Variants in LINGO2 observed in about 807,000 individuals in gnomAD.
The protein encoded by LINGO2 is leucine-rich repeat and immunoglobulin-like domain-containing nogo receptor-interacting protein 2.
Under a neutral mutation model 30.6 loss-of-function variants are expected in LINGO2, and 14 were observed. The observed-to-expected ratio is 0.46, with a 90% confidence interval of 0.30 to 0.72. The LOEUF is 0.72. Ranked by LOEUF, LINGO2 falls within the 30% of genes least tolerant of loss-of-function variation. LINGO2 has a pLI of 0.07. For synonymous variants in LINGO2, 317 were observed against 288.5 expected (o/e 1.10, Z -1.00); for missense variants, 729 against 751.7 (o/e 0.97, Z 0.35).
chr9:28,380,393 T>TTG (rs1159875820), intron 2 of LINGO2, among the ~76,000 whole-genome samples: 1 of 148,226 alleles, frequency 6.7e-6, no homozygotes, highest in Non-Finnish European at 1.5e-5. Context: ...TATAAAGGTT[T>TTG]TTTTTTTTTT....
intron 4 of LINGO2, among the ~76,000 whole-genome samples, chr9:28,182,943 A>T (rs548591794): frequency 1.1e-3 from 173 of 152,300 alleles, no homozygotes; most frequent in Middle Eastern, 3.4e-3. Context: ...TTGACTCAGC[A>T]ATCCCATTAC....
intron 1 of LINGO2, among the ~76,000 whole-genome samples, chr9:28,665,492 T>G (rs1302484912): frequency 1.3e-5 from 2 of 151,872 alleles, no homozygotes; most frequent in Non-Finnish European, 2.9e-5. Flanking sequence ...CTATTTGGAG[T>G]GGTGAGACTG....
exon 6 of LINGO2, chr9:27,949,799 G>A (rs1169213070): frequency 6.2e-7 from 1 of 1,614,130 alleles, no homozygotes; most frequent in East Asian, 2.2e-5. Flanking sequence ...CAGAGAACAT[G>A]CCTGCTTCAA....
At chr9:28,478,464 A>G (rs77902341) in intron 1 of LINGO2, among the ~76,000 whole-genome samples, 2,157 of 152,150 alleles carry the variant, frequency 0.014, 56 homozygotes, top group African/African-American at 0.049. Flanking sequence ...GGGCTGCAGA[A>G]TCTGTATCCA....
At chr9:29,043,990 G>C in the LINGO2 span, among the ~76,000 whole-genome samples, 2 of 151,976 alleles carry the variant, frequency 1.3e-5, no homozygotes, top group African/African-American at 4.8e-5. Context: ...GACTGCCAAT[G>C]AAAGAACAAT....
chr9:28,130,198 C>T lies in LINGO2; in HGVS notation c.-86-117793G>A, dbSNP rs1248071242. ...TAACCACTGGTTTGAACTCTAGACC[C>T]TCTAAAATAGACCTTAACACACTTC... On this transcript the variant is annotated intron_variant, in intron 4 of 5. Coordinates refer to ENST00000379992, the Ensembl canonical transcript of LINGO2. The surrounding 1 kb of genome is among the most constrained non-coding windows in gnomAD (Gnocchi z 5.2). Among the ~76,000 whole-genome samples the T allele has an allele frequency of 6.6e-6, 1 of 152,170 alleles. No homozygotes were observed. Among genetic ancestry groups the T allele is most frequent in the Admixed American group, 6.5e-5 (1 of 15,284 alleles).
the LINGO2 span, among the ~76,000 whole-genome samples, chr9:29,194,193 T>C: frequency 6.6e-6 from 1 of 152,172 alleles, no homozygotes; most frequent in Non-Finnish European, 1.5e-5. Context: ...TGCTCATTAA[T>C]GAGCACTACT....
intron 4 of LINGO2, among the ~76,000 whole-genome samples, chr9:28,293,687 CA>C (rs965742214): frequency 4.8e-4 from 73 of 151,890 alleles, no homozygotes; most frequent in African/African-American, 6.8e-4. Flanking sequence ...TTAACGTCTC[CA>C]AAAAAAATTT....
chr9:28,287,160 A>T (rs1355928821), intron 4 of LINGO2, among the ~76,000 whole-genome samples: 1 of 152,238 alleles, frequency 6.6e-6, no homozygotes, highest in Non-Finnish European at 1.5e-5. Context: ...ACAAGTTCTT[A>T]GATTATTTTC....
At chr9:28,328,556 G>GAA (rs34495703) in intron 3 of LINGO2, among the ~76,000 whole-genome samples, 35 of 145,882 alleles carry the variant, frequency 2.4e-4, no homozygotes, top group Non-Finnish European at 3.9e-4. Flanking sequence ...GTCCATCTTT[G>GAA]AAAAAAAAAA....
the LINGO2 span, among the ~76,000 whole-genome samples, chr9:28,850,016 T>C: frequency 1.3e-5 from 2 of 152,054 alleles, no homozygotes; most frequent in Non-Finnish European, 2.9e-5. Context: ...AGTAACTGCT[T>C]ACTGAGTGAA....
chr9:28,436,949 TAAAGG>T (rs927540659), intron 2 of LINGO2, among the ~76,000 whole-genome samples: 5 of 152,088 alleles, frequency 3.3e-5, no homozygotes, highest in African/African-American at 1.2e-4. Flanking sequence ...CAGCTTTTAA[TAAAGG>T]AAAGGGGCCA....
rs764802447 is a variant in LINGO2, at chr9:28,044,385, A to ACAT, written c.-86-31981_-86-31980insATG. 2.1e-3 allele frequency among the ~76,000 whole-genome samples: 317 copies of ACAT among 152,294 alleles called. 1 individual carries two copies. Among genetic ancestry groups the ACAT allele is most frequent in the Non-Finnish European group, 3.7e-3 (249 of 68,030 alleles). On this transcript the variant is annotated intron_variant, in intron 4 of 5. Coordinates refer to ENST00000379992, the Ensembl canonical transcript of LINGO2. ...ATTAAATCATGTTAGATTTCAACTA[A>ACAT]GTCTTTTTCTTCAGGGAAGGAGACA...
chr9:28,971,845 CCAG>C, the LINGO2 span, among the ~76,000 whole-genome samples: 1 of 152,298 alleles, frequency 6.6e-6, no homozygotes, highest in South Asian at 2.1e-4. Flanking sequence ...TGGGTGAGCC[CCAG>C]TGCTGTGGTA....
intron 5 of LINGO2, among the ~76,000 whole-genome samples, chr9:28,009,041 T>C (rs1162559241): frequency 1.3e-5 from 2 of 152,112 alleles, no homozygotes; most frequent in Non-Finnish European, 2.9e-5. Flanking sequence ...ATCAAAACAG[T>C]GTGGTGCTGA....
chr9:29,038,105 T>C, the LINGO2 span, among the ~76,000 whole-genome samples: 1 of 152,144 alleles, frequency 6.6e-6, no homozygotes. Flanking sequence ...TCTCTATGCA[T>C]GTGTGCAAGA....
chr9:28,104,449 T>C (rs1826520265), intron 4 of LINGO2, among the ~76,000 whole-genome samples: 1 of 151,828 alleles, frequency 6.6e-6, no homozygotes, highest in South Asian at 2.1e-4. Context: ...ATAACTCAGA[T>C]TCTCCCTCTA....
At chr9:28,988,160 G>GT in the LINGO2 span, among the ~76,000 whole-genome samples, 2 of 152,006 alleles carry the variant, frequency 1.3e-5, no homozygotes, top group Non-Finnish European at 2.9e-5. Flanking sequence ...GCAATATAGT[G>GT]TATCTCTCCC....
chr9:29,042,772 C>T, the LINGO2 span, among the ~76,000 whole-genome samples: 1 of 151,862 alleles, frequency 6.6e-6, no homozygotes. Context: ...TTTTCTAATA[C>T]ACACAATTTG....
Sources: allele counts gnomAD v4.1 joint callset (sites outside exome capture counted in the v4.1 genomes callset), GRCh38; gene constraint gnomAD v4.1.1; non-coding constraint Gnocchi (gnomAD v3.1); transcripts MANE v1.5; gene names NCBI Gene and HGNC (gene_info 2026-07-23, HGNC 2026-07-21).